Variants in PIEZO2 observed in about 807,000 individuals in gnomAD.
PIEZO2 encodes piezo-type mechanosensitive ion channel component 2.
Under a neutral mutation model 337.3 loss-of-function variants are expected in PIEZO2, and 172 were observed. The ratio of observed to expected loss-of-function variants is 0.51; its 90% CI spans 0.45 to 0.58. The LOEUF (loss-of-function observed/expected upper bound fraction) is 0.58, where lower values mean the gene tolerates loss of function less well. Ranked by LOEUF, PIEZO2 falls within the 20% of genes least tolerant of loss-of-function variation. The probability of loss-of-function intolerance (pLI) is 0.00; values close to 1 mark genes in which losing one functional copy is unlikely to be tolerated. For missense variants in PIEZO2, 3,028 were observed against 3,391.3 expected (o/e 0.89, Z 2.66); for synonymous variants, 1,251 against 1,228.5 (o/e 1.02, Z -0.38).
chr18:10,875,463 T>A (rs1250057314), intron 4 of PIEZO2, among the ~76,000 whole-genome samples: 1 of 152,040 alleles, frequency 6.6e-6, no homozygotes, highest in African/African-American at 2.4e-5. Context: ...AAGAGACCAG[T>A]AAGAAAAAAG....
chr18:11,140,173 AT>A (rs1384871424), intron 1 of PIEZO2, among the ~76,000 whole-genome samples: 3 of 151,896 alleles, frequency 2.0e-5, no homozygotes, highest in Non-Finnish European at 4.4e-5. Context: ...CCCTTCAAAA[AT>A]TTTTTTCCCC....
At chr18:11,054,301 C>A (rs1255519738) in intron 2 of PIEZO2, among the ~76,000 whole-genome samples, 4 of 152,144 alleles carry the variant, frequency 2.6e-5, no homozygotes, top group Non-Finnish European at 5.9e-5. Context: ...CTAATTAAAT[C>A]TAAAAGCCAA....
At chr18:10,869,522 C>A (rs2042088980) in intron 5 of PIEZO2, among the ~76,000 whole-genome samples, 1 of 152,112 alleles carries the variant, frequency 6.6e-6, no homozygotes, top group Non-Finnish European at 1.5e-5. Flanking sequence ...ATAACAAATA[C>A]CCAGTCTGAA....
intron 2 of PIEZO2, among the ~76,000 whole-genome samples, chr18:11,054,414 G>C (rs1181293875): frequency 6.6e-6 from 1 of 152,210 alleles, no homozygotes; most frequent in African/African-American, 2.4e-5. Context: ...ATAAGCACAG[G>C]ACTAGAGTTA....
At chr18:11,119,132 C>T (rs1200999766) in intron 1 of PIEZO2, among the ~76,000 whole-genome samples, 1 of 136,404 alleles carries the variant, frequency 7.3e-6, no homozygotes, top group Non-Finnish European at 1.5e-5. Context: ...GGAAAAGCCA[C>T]GGAACAAATA....
At chr18:11,029,400 G>C (rs562856541) in intron 2 of PIEZO2, among the ~76,000 whole-genome samples, 1 of 152,260 alleles carries the variant, frequency 6.6e-6, no homozygotes, top group African/African-American at 2.4e-5. Flanking sequence ...CACCAAATTA[G>C]ATGTTTGAAG....
chr18:10,699,049 G>C lies in PIEZO2; in HGVS notation c.6570C>G (p.Ala2190=). Reference sequence around the variant, plus strand: ...TCACATGCACTGACTCCACAGACGCGGCCAGGTTGATGGACTTGAGAGAAT... The same window carrying C: ...TCACATGCACTGACTCCACAGACGCCGCCAGGTTGATGGACTTGAGAGAAT... ...SSDSLKSINL[A]ASVESVHVTF... Residue 2190 remains alanine, a synonymous_variant, in exon 44 of 56, where the codon GCC becomes GCG. Transcript: ENST00000674853. The C allele has an allele frequency of 6.5e-7, 1 of 1,537,130 alleles. No individual in the cohort carries two copies. The highest frequency in any genetic ancestry group is 8.7e-7 in the Non-Finnish European group (1 of 1,146,898).
intron 3 of PIEZO2, among the ~76,000 whole-genome samples, chr18:10,916,984 C>A (rs1375497496): frequency 1.3e-5 from 2 of 152,108 alleles, no homozygotes; most frequent in African/African-American, 2.4e-5. Flanking sequence ...ATTCTGGAAG[C>A]CTGTGAATGC....
chr18:11,019,727 G>T (rs1242833410), intron 2 of PIEZO2, among the ~76,000 whole-genome samples: 1 of 152,152 alleles, frequency 6.6e-6, no homozygotes, highest in Non-Finnish European at 1.5e-5. Context: ...GAGCAATAAA[G>T]GCTGATTTTT....
intron 3 of PIEZO2, among the ~76,000 whole-genome samples, chr18:10,914,727 G>A (rs1159777153): frequency 6.6e-6 from 1 of 152,104 alleles, no homozygotes; most frequent in Non-Finnish European, 1.5e-5. Context: ...TAGAAATAAT[G>A]AACTGTGATT....
chr18:10,691,364 C>T lies in PIEZO2; in HGVS notation c.7210G>A (p.Val2404Ile), dbSNP rs555194703. 2.5e-6 allele frequency: 4 copies of T among 1,612,400 alleles called. No homozygotes were observed. The highest frequency in any genetic ancestry group is 2.7e-5 in the African/African-American group (2 of 74,932). ...TTCACAAAGTACCAAAGCTGGGCAACCAGGTTCTGGCTGAATTTCCTAAAA... is the reference window on the plus strand; with the variant it reads ...TTCACAAAGTACCAAAGCTGGGCAATCAGGTTCTGGCTGAATTTCCTAAAA... ...VTERKFSQNL[V>I]AQLWYFVKCV... The change falls in exon 48 of 56, where the codon GTT (valine) becomes ATT (isoleucine). Residue 2404 changes from valine to isoleucine, a missense_variant. Transcript: ENST00000674853.
rs2034559250 is a variant in PIEZO2, at chr18:10,979,039, CAATTCAGAA to C, written c.286+487_286+495del. 6.6e-6 allele frequency among the ~76,000 whole-genome samples: 1 copy of C among 151,982 alleles called. No individual in the cohort carries two copies. Among genetic ancestry groups the C allele is most frequent in the African/African-American group, 2.4e-5 (1 of 41,374 alleles). ...ATAAATACTAATAAAAAAAACCTTC[CAATTCAGAA>C]AAGAAACTACATGTGTCATTACATT... On this transcript the variant is annotated intron_variant, in intron 3 of 55. Transcript: ENST00000674853. The surrounding 1 kb of genome is among the most constrained non-coding windows in gnomAD (Gnocchi z 4.0).
rs943337805 is a variant in PIEZO2 at position 11,002,640 on chromosome 18, A to G, written c.161-22980T>C. On this transcript the variant is annotated intron_variant, in intron 2 of 55. Transcript: ENST00000674853. The surrounding 1 kb of genome is among the most constrained non-coding windows in gnomAD (Gnocchi z 4.3). ...CTCAATTTGTAAAGATATGCCTAAT[A>G]TTCTTAATATTATGAGACAGTTGCT... Among the ~76,000 whole-genome samples, 6 of 152,326 alleles carry G rather than the reference A, an allele frequency of 3.9e-5. 1 individual carries two copies. The Middle Eastern group carries it at 0.01, about 259-fold the overall frequency.
At chr18:10,671,826 T>C (rs930532646) in intron 55 of PIEZO2, 47 bp from the exon 56 acceptor site, 28 of 1,456,862 alleles carry the variant, frequency 1.9e-5, no homozygotes, top group East Asian at 4.9e-5. Context: ...TTAAATATAG[T>C]TAATAAAGAA....
At chr18:10,770,408 A>G (rs1168101375) in intron 20 of PIEZO2, 100 bp from the exon 21 acceptor site, 2 of 1,214,122 alleles carry the variant, frequency 1.6e-6, no homozygotes, top group African/African-American at 3.1e-5. Context: ...AGGCTGCAAA[A>G]TAATTACAGT....
Position 11,103,531 on chromosome 18 carries a change from G to C in PIEZO2, c.65-37309C>G, listed in dbSNP as rs192768180. On this transcript the variant is annotated intron_variant, in intron 1 of 55. Coordinates refer to ENST00000674853, the MANE Select transcript of PIEZO2 (RefSeq NM_001378183.1). ...TGTGTGATTTCAGTTTAAACCAAGTGAAGAATACATACTGGAAAATGAAAG... is the reference window on the plus strand; with the variant it reads ...TGTGTGATTTCAGTTTAAACCAAGTCAAGAATACATACTGGAAAATGAAAG... Among the ~76,000 whole-genome samples, 369 of 152,286 alleles carry C rather than the reference G, an allele frequency of 2.4e-3. 5 individuals are homozygous for C. The Middle Eastern group carries it at 0.044, about 18-fold the overall frequency.
At chr18:11,135,053 A>AT (rs58256073) in intron 1 of PIEZO2, among the ~76,000 whole-genome samples, 7 of 115,046 alleles carry the variant, frequency 6.1e-5, no homozygotes, top group African/African-American at 1.1e-4. Flanking sequence ...AAAAAAAAAA[A>AT]TTTTTTTTCT....
chr18:10,974,055 C>T (rs2034344282), intron 3 of PIEZO2, among the ~76,000 whole-genome samples: 1 of 152,104 alleles, frequency 6.6e-6, no homozygotes, highest in African/African-American at 2.4e-5. Flanking sequence ...AGGGATGAGT[C>T]AGCACTTGTA....
chr18:11,148,717 G>T lies in PIEZO2; in HGVS notation c.-129C>A. The stretch of plus-strand genomic sequence containing the variant: ...CTCGCAGCCACCCGAGCATCGCCTC[G>T]GCGCGGGCCGCGACGCTCTCCGCCC... On this transcript the variant is annotated 5_prime_UTR_variant, in exon 1 of 56. Transcript: ENST00000674853. This position sits in a 1 kb window ranked among gnomAD's most constrained non-coding sequence, Gnocchi z 5.2. 1 of 992,600 alleles carries T rather than the reference G, an allele frequency of 1.0e-6. No individual in the cohort carries two copies. The highest frequency in any genetic ancestry group is 1.6e-5 in the South Asian group (1 of 63,750). The allele number at this position is 992,600 out of a possible 1,614,324, so 61.5% of individuals were successfully genotyped here. A position where few individuals can be genotyped will look rare whatever the true frequency, so the allele number is the denominator to read the frequency against.
Sources: gnomAD v4.1 joint callset for allele counts (sites outside exome capture counted in the v4.1 genomes callset) on GRCh38, gnomAD v4.1.1 for gene constraint, Gnocchi (gnomAD v3.1) non-coding constraint, MANE v1.5 for transcripts, NCBI Gene and HGNC (gene_info 2026-07-23, HGNC 2026-07-21) for gene names.